Variants in CTNNA2 observed in about 807,000 individuals in gnomAD.
The protein encoded by CTNNA2 is catenin alpha-2.
In CTNNA2, 42 loss-of-function variants were observed where a neutral mutation model predicts 101.0. The observed-to-expected ratio is 0.42, with a 90% confidence interval of 0.32 to 0.54. CTNNA2 has a LOEUF of 0.54. Among genes scored for constraint, CTNNA2 ranks in the 20% least tolerant of loss-of-function variants. The pLI, the probability that CTNNA2 is intolerant of heterozygous loss-of-function variation, is 0.14. For missense variants in CTNNA2, 871 were observed against 1,223.1 expected (o/e 0.71, Z 4.29); for synonymous variants, 450 against 456.4 (o/e 0.99, Z 0.18).
chr2:79,841,351 C>T (rs1455621287), intron 3 of CTNNA2, among the ~76,000 whole-genome samples: 2 of 152,046 alleles, frequency 1.3e-5, no homozygotes, highest in African/African-American at 2.4e-5. Flanking sequence ...TAATATTTTC[C>T]TAGAGGAATA....
At chr2:80,532,115 C>G (rs977524239) in intron 9 of CTNNA2, among the ~76,000 whole-genome samples, 1 of 152,124 alleles carries the variant, frequency 6.6e-6, no homozygotes, top group African/African-American at 2.4e-5. Context: ...ATAGGGTTGA[C>G]AGAGTTTAAG....
At chr2:79,309,278 AT>A (rs1445736973) in intron 2 of CTNNA2, among the ~76,000 whole-genome samples, 1 of 152,092 alleles carries the variant, frequency 6.6e-6, no homozygotes, top group African/African-American at 2.4e-5. Flanking sequence ...TGTACTACAT[AT>A]TTGGATTAAC....
intron 7 of CTNNA2, among the ~76,000 whole-genome samples, chr2:80,205,112 G>A (rs576758057): frequency 6.6e-6 from 1 of 152,294 alleles, no homozygotes; most frequent in East Asian, 1.9e-4. Flanking sequence ...AGATTTGGGT[G>A]GGGACATAGA....
intron 4 of CTNNA2, among the ~76,000 whole-genome samples, chr2:79,402,152 T>C (rs989358418): frequency 2.0e-5 from 3 of 151,574 alleles, no homozygotes; most frequent in African/African-American, 7.3e-5. Flanking sequence ...AGTCCAAAAA[T>C]GCCTTAAGGA....
chr2:80,027,852 A>G (rs1270158514), intron 7 of CTNNA2, among the ~76,000 whole-genome samples: 1 of 151,818 alleles, frequency 6.6e-6, no homozygotes, highest in African/African-American at 2.4e-5. Context: ...ATGCACCAGT[A>G]GTCCCAGCTA....
chr2:79,243,661 G>A (rs1288225640), intron 2 of CTNNA2, among the ~76,000 whole-genome samples: 2 of 152,150 alleles, frequency 1.3e-5, no homozygotes, highest in African/African-American at 4.8e-5. Flanking sequence ...ATTGTTTGAA[G>A]GAGAAGTGCA....
At chr2:80,374,667 CTGCG>C (rs201104527) in intron 7 of CTNNA2, among the ~76,000 whole-genome samples, 1,821 of 149,072 alleles carry the variant, frequency 0.012, 24 homozygotes, top group African/African-American at 0.03. Context: ...TGTCTTTCCT[CTGCG>C]TGCGTGCGTG....
intron 7 of CTNNA2, among the ~76,000 whole-genome samples, chr2:80,061,276 G>A (rs183375561): frequency 3.5e-4 from 53 of 152,208 alleles, no homozygotes; most frequent in African/African-American, 8.4e-4. Flanking sequence ...CTGTGCATGC[G>A]TTATGTTCCT....
intron 7 of CTNNA2, among the ~76,000 whole-genome samples, chr2:79,941,020 C>G (rs1688122918): frequency 1.3e-5 from 2 of 152,136 alleles, no homozygotes; most frequent in African/African-American, 4.8e-5. Flanking sequence ...ATTTCAGAAG[C>G]CACAAGAAGC....
intron 7 of CTNNA2, among the ~76,000 whole-genome samples, chr2:80,204,451 A>G (rs1280604591): frequency 6.6e-6 from 1 of 152,210 alleles, no homozygotes; most frequent in Non-Finnish European, 1.5e-5. Context: ...AGTTTCACAA[A>G]TCTCTAGAGC....
At chr2:80,552,333 A>G (rs1692636718) in intron 11 of CTNNA2, among the ~76,000 whole-genome samples, 1 of 152,168 alleles carries the variant, frequency 6.6e-6, no homozygotes. Flanking sequence ...TTGGGGGGGA[A>G]GAAAAAAAAA....
rs1250753987 is a variant in CTNNA2, at chr2:80,574,149, T to C, written c.1742-14T>C. The C allele has an allele frequency of 5.6e-6, 9 of 1,605,972 alleles. No individual in the cohort carries two copies. In the Admixed American group the frequency reaches 1.3e-4, roughly 24 times the overall value. ...AGAAATTGCCTAATCCTCTGCTTTT[T>C]ATTTTTAACCCAGTGATGCCACGCT... On this transcript the variant is annotated splice_polypyrimidine_tract_variant and intron_variant, in intron 12 of 18. Transcript: ENST00000402739.
At chr2:79,335,924 G>A (rs909323018) in intron 3 of CTNNA2, among the ~76,000 whole-genome samples, 1 of 152,152 alleles carries the variant, frequency 6.6e-6, no homozygotes, top group African/African-American at 2.4e-5. Context: ...GATAACTTGA[G>A]AGACAGGAAG....
chr2:79,212,633 G>A (rs188746989), intron 2 of CTNNA2, among the ~76,000 whole-genome samples: 24 of 152,216 alleles, frequency 1.6e-4, no homozygotes, highest in East Asian at 1.6e-3. Flanking sequence ...GTCCACTATC[G>A]GACTGCGTAG....
At chr2:79,843,042 G>T (rs1679946897) in intron 3 of CTNNA2, among the ~76,000 whole-genome samples, 1 of 151,710 alleles carries the variant, frequency 6.6e-6, no homozygotes, top group African/African-American at 2.4e-5. Flanking sequence ...GTTGATTATT[G>T]AAATTATTAG....
At chr2:79,483,881 A>T (rs1389385151) in intron 4 of CTNNA2, among the ~76,000 whole-genome samples, 2 of 152,176 alleles carry the variant, frequency 1.3e-5, no homozygotes, top group Non-Finnish European at 2.9e-5. Context: ...TGTGTGTACA[A>T]ATGTCTTTTT....
At chr2:80,638,189 C>A (rs1673077352) in intron 18 of CTNNA2, among the ~76,000 whole-genome samples, 1 of 152,144 alleles carries the variant, frequency 6.6e-6, no homozygotes, top group Non-Finnish European at 1.5e-5. Context: ...TAGCTCCTTG[C>A]ATAATTATTT....
rs541775636 is a variant in CTNNA2 at position 79,859,916 on chromosome 2, G to A, written c.465+1737G>A. 2.0e-5 allele frequency among the ~76,000 whole-genome samples: 3 copies of A among 152,270 alleles called. 1 individual carries two copies. The highest frequency in any genetic ancestry group is 7.2e-5 in the African/African-American group (3 of 41,564). ...GGCTAATGGCAGTGGAGCCCTCAGG[G>A]TGGTGGGGAGGTTTGAATGGGGACG... On this transcript the variant is annotated intron_variant, in intron 4 of 18. Transcript: ENST00000402739.
intron 4 of CTNNA2, among the ~76,000 whole-genome samples, chr2:79,383,645 G>A (rs138404758): frequency 2.0e-5 from 3 of 152,294 alleles, no homozygotes; most frequent in East Asian, 3.9e-4. Context: ...TTCACTCTCT[G>A]CAATCTTGAT....
Sources: allele counts gnomAD v4.1 joint callset (sites outside exome capture counted in the v4.1 genomes callset), GRCh38; gene constraint gnomAD v4.1.1; transcripts MANE v1.5; gene names NCBI Gene and HGNC (gene_info 2026-07-23, HGNC 2026-07-21).